TRPM3: variants seen among roughly 807,000 people sequenced by gnomAD.
The protein encoded by TRPM3 is long transient receptor potential channel 3.
TRPM3 carries 77 observed loss-of-function variants against 181.2 expected under a neutral mutation model. The ratio of observed to expected loss-of-function variants is 0.42; its 90% CI spans 0.35 to 0.51. The LOEUF is 0.51. TRPM3 is among the 20% of genes least tolerant of loss of function. The pLI, the probability that TRPM3 is intolerant of heterozygous loss-of-function variation, is 0.01. For missense variants in TRPM3, 1,759 were observed against 2,196.7 expected, an observed-to-expected ratio of 0.80 and a Z score of 3.98; for synonymous variants, 745 against 796.4, an observed-to-expected ratio of 0.94 and a Z score of 1.09.
At chr9:70,575,769 A>G (rs896902096) in intron 22 of TRPM3, among the ~76,000 whole-genome samples, 1 of 152,216 alleles carries the variant, frequency 6.6e-6, no homozygotes, top group South Asian at 2.1e-4. Context: ...GGGTTAGTAG[A>G]GATGACAGAA....
At chr9:71,329,777 G>C (rs1193890170) in intron 1 of TRPM3, among the ~76,000 whole-genome samples, 1 of 152,020 alleles carries the variant, frequency 6.6e-6, no homozygotes, top group Non-Finnish European at 1.5e-5. Context: ...TAGGATTTGG[G>C]GGTATTGTCT....
chr9:70,777,775 C>A (rs563202426), intron 7 of TRPM3, among the ~76,000 whole-genome samples: 1 of 152,036 alleles, frequency 6.6e-6, no homozygotes, highest in South Asian at 2.1e-4. Flanking sequence ...TTCATAGCAC[C>A]CATAGTACCT....
At chr9:71,425,639 T>A (rs1023507421) in intron 1 of TRPM3, among the ~76,000 whole-genome samples, 1 of 152,126 alleles carries the variant, frequency 6.6e-6, no homozygotes. Flanking sequence ...TCTTTTCTTT[T>A]GCCTTTTCCA....
chr9:70,947,325 A>C (rs2096944382), intron 1 of TRPM3, among the ~76,000 whole-genome samples: 1 of 152,198 alleles, frequency 6.6e-6, no homozygotes, highest in Admixed American at 6.5e-5. Flanking sequence ...TCTTCTGTGA[A>C]GTAACATGAT....
chr9:71,213,362 A>T (rs2079633545), intron 1 of TRPM3, among the ~76,000 whole-genome samples: 1 of 152,168 alleles, frequency 6.6e-6, no homozygotes, highest in Non-Finnish European at 1.5e-5. Context: ...AGCAGGCTAG[A>T]TTTTGCCTAC....
chr9:70,993,099 G>A (rs2097504584), intron 1 of TRPM3, among the ~76,000 whole-genome samples: 1 of 152,170 alleles, frequency 6.6e-6, no homozygotes, highest in Non-Finnish European at 1.5e-5. Flanking sequence ...GGGCATAGAG[G>A]AGCTGGTACC....
chr9:71,368,009 T>TACACACACACATATGA lies in TRPM3; in HGVS notation c.183+78643_183+78644insTCATATGTGTGTGTGT, dbSNP rs2092394159. Among the ~76,000 whole-genome samples the TACACACACACATATGA allele has an allele frequency of 2.6e-5, 4 of 151,608 alleles. 1 individual carries two copies. Among genetic ancestry groups the TACACACACACATATGA allele is most frequent in the Middle Eastern group, 6.8e-3 (2 of 292 alleles). ...ATATATGTGCACACACACATGTGAGTGTATGTGTACACACACACATATGAG... is the reference window on the plus strand; with the variant it reads ...ATATATGTGCACACACACATGTGAGTACACACACACATATGAGTATGTGTACACACACACATATGAG... On this transcript the variant is annotated intron_variant, in intron 1 of 24. Coordinates refer to the TRPM3 transcript ENST00000357533.
chr9:71,069,738 A>T (rs2062468553), intron 1 of TRPM3, among the ~76,000 whole-genome samples: 1 of 151,224 alleles, frequency 6.6e-6, no homozygotes, highest in African/African-American at 2.4e-5. Context: ...CCTCCCAAGT[A>T]GCTAGGATTA....
In TRPM3 at chr9:70,620,264, A is replaced by G. The variant is rs367974145; in HGVS notation, c.1941T>C (p.Pro647=). The G allele has an allele frequency of 1.1e-3, 1,804 of 1,614,256 alleles. 30 individuals are homozygous for G. In the South Asian group the frequency reaches 0.017, roughly 15 times the overall value. ...CAGCCCACACCATGAGCTCATGGAA[A>G]GGGAAGGGGAAGTGGTTGATCTCAG... The part of the protein sequence containing the change: ...DDPEINHFPF[P]FHELMVWAVL... The change falls in exon 16 of 26, where the codon CCT becomes CCC. Residue 647 remains proline (P), a synonymous_variant. Coordinates refer to ENST00000677713, the MANE Select transcript of TRPM3 (RefSeq NM_001366145.2).
upstream of TRPM3, chr9:71,446,938 C>A: frequency 1.6e-6 from 2 of 1,232,774 alleles, no homozygotes; most frequent in Non-Finnish European, 2.1e-6. Context: ...TCTCGGTTGG[C>A]GCTGCCTTTG....
intron 14 of TRPM3, among the ~76,000 whole-genome samples, chr9:70,624,003 C>T (rs1034511506): frequency 3.3e-5 from 5 of 151,910 alleles, no homozygotes; most frequent in African/African-American, 7.3e-5. Context: ...AACAACTGAT[C>T]GTATTTGCTG....
At chr9:71,258,790 G>C (rs2082840631) in intron 1 of TRPM3, among the ~76,000 whole-genome samples, 1 of 152,042 alleles carries the variant, frequency 6.6e-6, no homozygotes, top group South Asian at 2.1e-4. Context: ...ATTTTCCCTG[G>C]TCTCAGTATC....
Position 70,603,490 on chromosome 9 carries a change from A to C in TRPM3, c.2668-20T>G, listed in dbSNP as rs914217586. The C allele has an allele frequency of 1.9e-5, 30 of 1,613,086 alleles. No homozygotes were observed. The highest frequency in any genetic ancestry group is 2.5e-5 in the Non-Finnish European group (29 of 1,179,574). ...CGCCAGCTGTAAGGAGACACAATAC[A>C]GTGCTCTGGCTGTTCAGGCCCAGGA... On this transcript the variant is annotated intron_variant, in intron 19 of 25. Coordinates refer to ENST00000677713, the MANE Select transcript of TRPM3 (RefSeq NM_001366145.2).
chr9:70,859,772 C>T (rs1033826192), intron 3 of TRPM3, among the ~76,000 whole-genome samples: 28 of 151,988 alleles, frequency 1.8e-4, no homozygotes, highest in South Asian at 4.2e-4. Context: ...TTTTGTCCCC[C>T]GTAATAGCAC....
chr9:70,578,058 C>G (rs1370018534), intron 22 of TRPM3, among the ~76,000 whole-genome samples: 1 of 152,116 alleles, frequency 6.6e-6, no homozygotes, highest in African/African-American at 2.4e-5. Context: ...TAAAGCTAGC[C>G]CATCAACTCA....
intron 25 of TRPM3, among the ~76,000 whole-genome samples, chr9:70,544,690 T>C (rs1446030568): frequency 6.6e-6 from 1 of 151,784 alleles, no homozygotes; most frequent in African/African-American, 2.4e-5. Context: ...AAAATTAATA[T>C]ACTAGATGAA....
chr9:71,061,790 T>C (rs545297189), intron 1 of TRPM3, among the ~76,000 whole-genome samples: 1 of 152,240 alleles, frequency 6.6e-6, no homozygotes, highest in Non-Finnish European at 1.5e-5. Flanking sequence ...ACCCCTTGCA[T>C]CATTTTGCTT....
At chr9:71,287,950 G>A (rs924747050) in intron 1 of TRPM3, among the ~76,000 whole-genome samples, 1 of 151,980 alleles carries the variant, frequency 6.6e-6, no homozygotes, top group African/African-American at 2.4e-5. Flanking sequence ...ACAAAATACA[G>A]GTACCAATGA....
chr9:71,042,284 T>C (rs2058916145), intron 1 of TRPM3, among the ~76,000 whole-genome samples: 1 of 152,228 alleles, frequency 6.6e-6, no homozygotes, highest in Non-Finnish European at 1.5e-5. Flanking sequence ...ACTGAGCCTC[T>C]GCTGTGCTAA....
Sources: allele counts gnomAD v4.1 joint callset (sites outside exome capture counted in the v4.1 genomes callset), GRCh38; gene constraint gnomAD v4.1.1; transcripts MANE v1.5; gene names NCBI Gene and HGNC (gene_info 2026-07-23, HGNC 2026-07-21).